The following MAEA variants were observed in gnomAD, a reference collection of about 807,000 sequenced individuals.
The protein encoded by MAEA is E3 ubiquitin-protein transferase MAEA.
A neutral mutation model predicts 46.2 loss-of-function variants in MAEA; 22 were observed. The ratio of observed to expected loss-of-function variants is 0.48; its 90% CI spans 0.34 to 0.68. The LOEUF (loss-of-function observed/expected upper bound fraction) is 0.68, where lower values mean the gene tolerates loss of function less well. MAEA is among the 30% of genes least tolerant of loss of function. The probability of loss-of-function intolerance (pLI) is 0.01; values close to 1 mark genes in which losing one functional copy is unlikely to be tolerated. For synonymous variants in MAEA, 246 were observed against 222.6 expected, an observed-to-expected ratio of 1.11 and a Z score of -0.94; for missense variants, 393 against 558.1, an observed-to-expected ratio of 0.70 and a Z score of 2.98.
intron 4 of MAEA, 23 bp downstream of exon 4, chr4:1,322,526 G>A: frequency 6.2e-7 from 1 of 1,612,662 alleles, no homozygotes; most frequent in Non-Finnish European, 8.5e-7. Flanking sequence ...CCAGGTTGGG[G>A]TGGGAGTGGG....
intron 4 of MAEA, chr4:1,323,523 C>T (rs992387010): frequency 1.6e-5 from 11 of 702,452 alleles, no homozygotes; most frequent in Admixed American, 8.0e-5. Flanking sequence ...GAAGCAAAGA[C>T]GGGACGAAAA....
chr4:1,300,379 C>G (rs765624510), intron 1 of MAEA, among the ~76,000 whole-genome samples: 1 of 152,226 alleles, frequency 6.6e-6, no homozygotes, highest in Non-Finnish European at 1.5e-5. Context: ...ACACCACAGC[C>G]AGGTATGTAA....
chr4:1,329,193 G>A (rs994555737), intron 5 of MAEA: 6 of 985,696 alleles, frequency 6.1e-6, no homozygotes, highest in Admixed American at 6.1e-5. Flanking sequence ...AGGGTCTGTT[G>A]ACCTGTTACC....
At chr4:1,308,311 C>G (rs956320710) in intron 1 of MAEA, among the ~76,000 whole-genome samples, 2 of 152,268 alleles carry the variant, frequency 1.3e-5, no homozygotes, top group Admixed American at 6.5e-5. Context: ...TGTTGTTGAC[C>G]AAAATGTCGT....
chr4:1,325,826 C>T (rs940147662), intron 4 of MAEA, among the ~76,000 whole-genome samples: 3 of 152,158 alleles, frequency 2.0e-5, no homozygotes, highest in Admixed American at 6.5e-5. Context: ...TTGTGCCTCT[C>T]GGCTGATTTG....
chr4:1,300,832 G>A (rs112607394), intron 1 of MAEA, among the ~76,000 whole-genome samples: 2 of 152,236 alleles, frequency 1.3e-5, no homozygotes, highest in African/African-American at 4.8e-5. Flanking sequence ...AAGTTGACTG[G>A]AAGTGTCATT....
intron 8 of MAEA, 117 bp downstream of exon 8, chr4:1,338,734 G>C (rs1162724434): frequency 1.2e-6 from 1 of 864,854 alleles, no homozygotes; most frequent in African/African-American, 1.7e-5. Context: ...GGACAGGGCT[G>C]TGTGGGACGG....
chr4:1,326,960 A>G (rs943442566), intron 4 of MAEA, among the ~76,000 whole-genome samples: 1 of 151,448 alleles, frequency 6.6e-6, no homozygotes, highest in Non-Finnish European at 1.5e-5. Context: ...GTGAGGCACC[A>G]GCCAGCAACC....
intron 6 of MAEA, chr4:1,335,304 C>CT (rs1712602319): frequency 2.0e-6 from 2 of 985,492 alleles, no homozygotes; most frequent in African/African-American, 3.5e-5. Flanking sequence ...CTGTGTGAGT[C>CT]TATTTTTTGT....
chr4:1,337,216 C>A (rs936694287), intron 7 of MAEA: 7 of 570,028 alleles, frequency 1.2e-5, no homozygotes, highest in Middle Eastern at 9.3e-4. Context: ...TGGCGCGCTT[C>A]CTCTCTCATC....
rs1051022805 is a variant in MAEA at position 1,323,618 on chromosome 4, C to T, written c.579+1115C>T. 1.4e-5 allele frequency: 10 copies of T among 702,412 alleles called. No individual in the cohort carries two copies. In the Admixed American group the frequency reaches 1.8e-4, roughly 13 times the overall value. The allele number at this position is 702,412 out of a possible 1,614,324, so 43.5% of individuals were successfully genotyped here. A position where few individuals can be genotyped will look rare whatever the true frequency, so the allele number is the denominator to read the frequency against. ...AGGAAAGCCAGAATTGGTATGTAAC[C>T]TGCGGCCCCACTACACAGTGCCAGC... On this transcript the variant is annotated intron_variant, in intron 4 of 8. Transcript: ENST00000303400.
chr4:1,338,865 C>A, intron 8 of MAEA: 1 of 651,746 alleles, frequency 1.5e-6, no homozygotes, highest in Non-Finnish European at 2.7e-6. Context: ...TCTCGCCCCA[C>A]CCTGCCTTAG....
rs73073725 is a variant in MAEA, at chr4:1,311,540, C to T, written c.70-439C>T. Among the ~76,000 whole-genome samples the T allele has an allele frequency of 0.065, 9,892 of 152,202 alleles. 1,032 individuals are homozygous for T. The highest frequency in any genetic ancestry group is 0.22 in the African/African-American group (9,172 of 41,508). On this transcript the variant is annotated intron_variant, in intron 1 of 8. Transcript: ENST00000303400. The surrounding 1 kb of genome is among the most constrained non-coding windows in gnomAD (Gnocchi z 4.4). ...CCAACCCCAGCCCGTGTGGAGCCCA[C>T]GCCCCATGCACCCTTGTCCCTGCCC...
At chr4:1,303,794 A>G (rs1024095106) in intron 1 of MAEA, among the ~76,000 whole-genome samples, 58 of 151,990 alleles carry the variant, frequency 3.8e-4, no homozygotes, top group Non-Finnish European at 7.4e-4. Context: ...ATCAGTAAAA[A>G]TTGGTAAAAT....
At chr4:1,309,352 A>G (rs1577161217) in intron 1 of MAEA, 2 of 1,102,702 alleles carry the variant, frequency 1.8e-6, no homozygotes, top group Admixed American at 4.3e-5. Flanking sequence ...GCTCTTGCTA[A>G]CCAGCCAGCC....
chr4:1,313,399 G>A (rs1577173755), intron 2 of MAEA, among the ~76,000 whole-genome samples: 1 of 152,190 alleles, frequency 6.6e-6, no homozygotes, highest in African/African-American at 2.4e-5. Context: ...GACTGCAGGT[G>A]CAGGGGCTGC....
chr4:1,319,131 C>T (rs1051664753), intron 3 of MAEA, among the ~76,000 whole-genome samples: 3 of 152,226 alleles, frequency 2.0e-5, no homozygotes, highest in Non-Finnish European at 4.4e-5. Context: ...GCGAGCGGAT[C>T]TGTTGAGCCC....
rs140706437 is a variant in MAEA at position 1,313,821 on chromosome 4, T to C, written c.253-1576T>C. Among the ~76,000 whole-genome samples, 36 of 151,790 alleles carry C rather than the reference T, an allele frequency of 2.4e-4. No homozygotes were observed. In the East Asian group the frequency reaches 7.0e-3, roughly 29 times the overall value. ...ACTTTGGAAGGGCGAGGCAGGTAGA[T>C]TGCTTGAGCCCAGGAGTTTGAGATC... is the stretch of plus-strand genomic sequence containing the variant. On this transcript the variant is annotated intron_variant, in intron 2 of 8. Coordinates refer to ENST00000303400, the MANE Select transcript of MAEA (RefSeq NM_001017405.3).
chr4:1,291,621 A>C (rs1176746072), intron 1 of MAEA, among the ~76,000 whole-genome samples: 1 of 152,222 alleles, frequency 6.6e-6, no homozygotes, highest in African/African-American at 2.4e-5. Flanking sequence ...TTTGAAGATC[A>C]GAACCGTGGT....
Sources: gnomAD v4.1 joint callset for allele counts (sites outside exome capture counted in the v4.1 genomes callset) on GRCh38, gnomAD v4.1.1 for gene constraint, Gnocchi (gnomAD v3.1) non-coding constraint, MANE v1.5 for transcripts, NCBI Gene and HGNC (gene_info 2026-07-23, HGNC 2026-07-21) for gene names.